CD8B: variants seen among roughly 807,000 people sequenced by gnomAD.
CD8B encodes T-cell surface glycoprotein CD8 beta chain.
Under a neutral mutation model 24.2 loss-of-function variants are expected in CD8B, and 6 were observed. The observed-to-expected ratio is 0.25, with a 90% CI of 0.14 to 0.49. The LOEUF (loss-of-function observed/expected upper bound fraction) is 0.49, where lower values mean the gene tolerates loss of function less well. Among genes scored for constraint, CD8B ranks in the 20% least tolerant of loss-of-function variants. The pLI is 0.98. For synonymous variants in CD8B, 84 were observed against 108.3 expected (o/e 0.78, Z 1.39); for missense variants, 196 against 271.3 (o/e 0.72, Z 1.95).
chr2:86,855,022 G>C (rs1676164667), intron 2 of CD8B, among the ~76,000 whole-genome samples: 1 of 151,982 alleles, frequency 6.6e-6, no homozygotes, highest in African/African-American at 2.4e-5. Flanking sequence ...TCAGGAGGCT[G>C]AGGCAGCAGA....
Position 86,829,916 on chromosome 2 carries a change from G to A in CD8B, c.621-14198C>T, listed in dbSNP as rs377703991. 5.9e-5 allele frequency among the ~76,000 whole-genome samples: 9 copies of A among 152,206 alleles called. No homozygotes were observed. The South Asian group carries it at 8.3e-4, about 14-fold the overall frequency. ...GAGCTGGGTTCATAGAATATCTAAC[G>A]TTTGATAATCTGCTTTTTAAATTTA... is the stretch of plus-strand genomic sequence containing the variant. On this transcript the variant is annotated intron_variant, in intron 5 of 5. Coordinates refer to the CD8B transcript ENST00000331469.
At chr2:86,831,815 T>A (rs180861115) in intron 5 of CD8B, among the ~76,000 whole-genome samples, 1 of 152,250 alleles carries the variant, frequency 6.6e-6, no homozygotes, top group East Asian at 1.9e-4. Context: ...AATTTTCTGA[T>A]AAGAAATTAA....
rs1217233576 is a variant in CD8B at position 86,844,839 on chromosome 2, C to T, written c.620+83G>A. On this transcript the variant is annotated intron_variant, in intron 5 of 5. Transcript: ENST00000390655. ...ATGATCTTTGGAAGATGAGGTCTGA[C>T]TTTGGCTCCTCGCTGCAGTTAGAGG... is the stretch of plus-strand genomic sequence containing the variant. 8 of 1,550,836 alleles carry T rather than the reference C, an allele frequency of 5.2e-6. No individual in the cohort carries two copies. The African/African-American group carries it at 9.6e-5, about 19-fold the overall frequency.
intron 4 of CD8B, 109 bp downstream of exon 4, chr2:86,846,575 A>G: frequency 1.6e-6 from 1 of 624,072 alleles, no homozygotes; most frequent in Admixed American, 3.4e-5. Flanking sequence ...CTCTGAGGCA[A>G]ATTCCCACCA....
chr2:86,855,186 T>C (rs1348305222), intron 2 of CD8B, among the ~76,000 whole-genome samples: 1 of 152,178 alleles, frequency 6.6e-6, no homozygotes, highest in Non-Finnish European at 1.5e-5. Flanking sequence ...CAGTCATTTT[T>C]GGGCTGGCAT....
intron 5 of CD8B, chr2:86,832,881 A>T (rs1161401660): frequency 5.8e-6 from 1 of 173,558 alleles, no homozygotes; most frequent in African/African-American, 2.4e-5. Flanking sequence ...TTTCCAGGGG[A>T]AAGTTTTTGT....
At chr2:86,855,076 C>T (rs2104574398) in intron 2 of CD8B, among the ~76,000 whole-genome samples, 1 of 151,736 alleles carries the variant, frequency 6.6e-6, no homozygotes, top group African/African-American at 2.4e-5. Context: ...AGCCAAGATC[C>T]TGCCACTAAA....
At chr2:86,832,838 T>A (rs1674955110) in intron 5 of CD8B, among the ~76,000 whole-genome samples, 1 of 152,204 alleles carries the variant, frequency 6.6e-6, no homozygotes, top group Non-Finnish European at 1.5e-5. Context: ...ACTTTTGTTT[T>A]GATCTCTTGT....
intron 3 of CD8B, among the ~76,000 whole-genome samples, chr2:86,847,061 C>T (rs1340598826): frequency 2.0e-5 from 3 of 151,140 alleles, no homozygotes; most frequent in Admixed American, 1.3e-4. Context: ...CTTAGCCTCC[C>T]GAGTAGCTGG....
At chr2:86,822,226 C>G in intron 5 of CD8B, 1 of 671,200 alleles carries the variant, frequency 1.5e-6, no homozygotes, top group Admixed American at 2.7e-5. Flanking sequence ...TCCACTTATA[C>G]CCCAGCAGGA....
Position 86,858,366 on chromosome 2 carries a change from G to C in CD8B, c.94C>G (p.Gln32Glu). The C allele has an allele frequency of 6.2e-7, 1 of 1,612,866 alleles. No homozygotes were observed. Among genetic ancestry groups the C allele is most frequent in the African/African-American group, 1.3e-5 (1 of 74,964 alleles). Residue 32 changes from glutamine to glutamate, a missense_variant, in exon 2 of 6, where the codon CAA (glutamine) becomes GAA (glutamate). Physicochemically the swap from Gln to Glu is conservative, Grantham distance 29. Coordinates refer to ENST00000390655, the MANE Select transcript of CD8B (RefSeq NM_004931.5). ...LQQTPAYIKV[Q>E]TNKMVMLSCE... The stretch of plus-strand genomic sequence containing the variant: ...GACAGCATCACCATCTTGTTGGTTT[G>C]CACCTTTATGTATGCAGGGGTCTGC...
intron 5 of CD8B, among the ~76,000 whole-genome samples, chr2:86,817,475 A>G (rs1271669871): frequency 6.6e-6 from 1 of 152,250 alleles, no homozygotes; most frequent in Admixed American, 6.5e-5. Context: ...ACAGGCATCA[A>G]CACAGGTAAA....
intron 5 of CD8B, chr2:86,822,290 G>T (rs774612892): frequency 2.3e-6 from 3 of 1,329,316 alleles, no homozygotes; most frequent in Non-Finnish European, 3.2e-6. Context: ...ACCTCAGAAA[G>T]CAATATCAGA....
At chr2:86,842,362 A>G (rs1675476395) in intron 5 of CD8B, 43 bp from the exon 6 acceptor site, 1 of 1,578,108 alleles carries the variant, frequency 6.3e-7, no homozygotes, top group African/African-American at 1.4e-5. Flanking sequence ...TTTTCAGGCA[A>G]ACGATATTGA....
chr2:86,827,125 G>A (rs1011242834), intron 5 of CD8B, among the ~76,000 whole-genome samples: 1 of 152,066 alleles, frequency 6.6e-6, no homozygotes, highest in African/African-American at 2.4e-5. Context: ...CTGGCTGACT[G>A]TGGATTTTGT....
chr2:86,824,459 G>A (rs1313484810), intron 5 of CD8B, among the ~76,000 whole-genome samples: 1 of 152,202 alleles, frequency 6.6e-6, no homozygotes, highest in Non-Finnish European at 1.5e-5. Context: ...AGGGCAAGAA[G>A]CCACGTGCTC....
chr2:86,852,122 G>A (rs1441766292), intron 3 of CD8B, among the ~76,000 whole-genome samples: 13 of 152,054 alleles, frequency 8.5e-5, no homozygotes, highest in Non-Finnish European at 1.3e-4. Flanking sequence ...GTGCCACCAC[G>A]CCCAGCTAAT....
At chr2:86,855,546 C>T (rs575531947) in intron 2 of CD8B, among the ~76,000 whole-genome samples, 1 of 152,330 alleles carries the variant, frequency 6.6e-6, no homozygotes, top group East Asian at 1.9e-4. Flanking sequence ...CGTTCTGCCA[C>T]ACTACCTCAC....
At chr2:86,834,305 T>C (rs1675078368), downstream of CD8B, among the ~76,000 whole-genome samples, 1 of 125,376 alleles carries the variant, frequency 8.0e-6, no homozygotes, top group Non-Finnish European at 1.7e-5. Context: ...ATCACTGTTT[T>C]ACATTTTTAC....
Sources: gnomAD v4.1 joint callset for allele counts (sites outside exome capture counted in the v4.1 genomes callset) on GRCh38, gnomAD v4.1.1 for gene constraint, MANE v1.5 for transcripts, NCBI Gene and HGNC (gene_info 2026-07-23, HGNC 2026-07-21) for gene names.